The following BICD1 variants were observed in gnomAD, a reference collection of about 807,000 sequenced individuals.
BICD1 encodes the protein protein bicaudal D homolog 1.
Under a neutral mutation model 92.5 loss-of-function variants are expected in BICD1, and 35 were observed. The ratio of observed to expected loss-of-function variants is 0.38; its 90% CI spans 0.29 to 0.50. The LOEUF (loss-of-function observed/expected upper bound fraction) is 0.50, where lower values mean the gene tolerates loss of function less well. Ranked by LOEUF, BICD1 falls within the 20% of genes least tolerant of loss-of-function variation. The pLI, the probability that BICD1 is intolerant of heterozygous loss-of-function variation, is 0.93. For synonymous variants in BICD1, 429 were observed against 465.1 expected, an observed-to-expected ratio of 0.92 and a Z score of 1.00; for missense variants, 950 against 1,189.8, an observed-to-expected ratio of 0.80 and a Z score of 2.97.
intron 1 of BICD1, among the ~76,000 whole-genome samples, chr12:32,196,191 G>A (rs543119639): frequency 6.6e-6 from 1 of 152,174 alleles, no homozygotes; most frequent in East Asian, 1.9e-4. Flanking sequence ...TATATTGTTG[G>A]TGGAAATATC....
At chr12:32,118,373 G>T (rs1942023784) in intron 1 of BICD1, among the ~76,000 whole-genome samples, 1 of 152,032 alleles carries the variant, frequency 6.6e-6, no homozygotes, top group African/African-American at 2.4e-5. Context: ...GAGCCACCGA[G>T]CCTGGCCTAG....
intron 1 of BICD1, among the ~76,000 whole-genome samples, chr12:32,176,525 C>G (rs1204614678): frequency 6.6e-6 from 1 of 152,170 alleles, no homozygotes; most frequent in African/African-American, 2.4e-5. Context: ...AATCAAGATA[C>G]GAAACATTTG....
At chr12:32,123,112 TG>T (rs1942213208) in intron 1 of BICD1, among the ~76,000 whole-genome samples, 1 of 152,142 alleles carries the variant, frequency 6.6e-6, no homozygotes, top group Non-Finnish European at 1.5e-5. Flanking sequence ...CAAAATGCTA[TG>T]GGGGGAAAAA....
intron 3 of BICD1, among the ~76,000 whole-genome samples, chr12:32,298,406 A>G (rs1947935377): frequency 2.0e-5 from 3 of 151,622 alleles, no homozygotes; most frequent in Non-Finnish European, 2.9e-5. Flanking sequence ...CTAAAAATAT[A>G]AAAAAGAAAT....
chr12:32,181,113 G>A (rs926823644), intron 1 of BICD1, among the ~76,000 whole-genome samples: 1 of 151,682 alleles, frequency 6.6e-6, no homozygotes, highest in African/African-American at 2.4e-5. Context: ...TACTAAAGAG[G>A]TGCTTATAAA....
At position 32,327,893 on chromosome 12, in the gene BICD1, A is replaced by G. The variant is rs778829618; in HGVS notation, c.1438A>G (p.Met480Val). 8.7e-6 allele frequency: 14 copies of G among 1,614,102 alleles called. No homozygotes were observed. The Admixed American group carries it at 2.3e-4, about 27-fold the overall frequency. Reference protein sequence around the residue: ...EKTTKESGEKMAHMEKELQKM... With the variant: ...EKTTKESGEKVAHMEKELQKM... ...GACCACCAAGGAGAGTGGTGAGAAG[A>G]TGGCCCACATGGAGAAGGAGTTGCA... The change falls in exon 5 of 10, where the codon ATG (methionine) becomes GTG (valine). Residue 480 changes from methionine to valine, a missense_variant. By Grantham distance (21) the Met-to-Val change is conservative. Around this residue, in one of 5 missense-constraint regions of BICD1, gnomAD observed 309 missense variants for 499.4 expected, o/e 0.62. Transcript: ENST00000652176.
chr12:32,319,317 G>T (rs1948587174), intron 4 of BICD1, among the ~76,000 whole-genome samples: 1 of 152,018 alleles, frequency 6.6e-6, no homozygotes, highest in Non-Finnish European at 1.5e-5. Flanking sequence ...ATTAAATTTT[G>T]TCAAATGCTT....
At chr12:32,179,722 G>A (rs1944216239) in intron 1 of BICD1, among the ~76,000 whole-genome samples, 1 of 151,888 alleles carries the variant, frequency 6.6e-6, no homozygotes, top group South Asian at 2.1e-4. Context: ...CGGGTGCAAT[G>A]GCTCATGCCT....
chr12:32,171,343 G>T (rs868078610), intron 1 of BICD1, among the ~76,000 whole-genome samples: 1 of 152,242 alleles, frequency 6.6e-6, no homozygotes, highest in Non-Finnish European at 1.5e-5. Context: ...CGAAGGCGAT[G>T]CTGTGGGACC....
intron 1 of BICD1, among the ~76,000 whole-genome samples, chr12:32,153,028 A>G (rs1565550894): frequency 6.6e-6 from 1 of 152,112 alleles, no homozygotes; most frequent in Non-Finnish European, 1.5e-5. Context: ...CCAGACACTG[A>G]GCATAGTATA....
intron 4 of BICD1, among the ~76,000 whole-genome samples, chr12:32,325,052 G>A (rs1306606212): frequency 6.6e-6 from 1 of 151,856 alleles, no homozygotes. Flanking sequence ...GTTTCACTAT[G>A]TTGCCTCAGC....
At chr12:32,217,123 A>C (rs1007818599) in intron 2 of BICD1, among the ~76,000 whole-genome samples, 3 of 152,210 alleles carry the variant, frequency 2.0e-5, no homozygotes, top group Non-Finnish European at 4.4e-5. Flanking sequence ...TGATGTTGGA[A>C]ACAGAGATAG....
At chr12:32,126,075 G>A (rs1942326050) in intron 1 of BICD1, among the ~76,000 whole-genome samples, 1 of 150,246 alleles carries the variant, frequency 6.7e-6, no homozygotes, top group Non-Finnish European at 1.5e-5. Flanking sequence ...AAAAAGCAGT[G>A]CATCAAATCT....
At chr12:32,119,305 A>G (rs1942058545) in intron 1 of BICD1, among the ~76,000 whole-genome samples, 1 of 152,202 alleles carries the variant, frequency 6.6e-6, no homozygotes, top group Admixed American at 6.5e-5. Context: ...GTTTGAGCAG[A>G]CCTTGGATAT....
intron 8 of BICD1, among the ~76,000 whole-genome samples, chr12:32,358,594 G>A (rs1216003099): frequency 6.6e-6 from 1 of 151,956 alleles, no homozygotes; most frequent in African/African-American, 2.4e-5. Context: ...AAAGTTAACT[G>A]GGCGTGGTGG....
At chr12:32,227,185 A>T (rs1442424047) in intron 2 of BICD1, among the ~76,000 whole-genome samples, 1 of 152,254 alleles carries the variant, frequency 6.6e-6, no homozygotes, top group Non-Finnish European at 1.5e-5. Context: ...AACGGGGAGC[A>T]CGGCTGAGCA....
In BICD1 at chr12:32,216,455, A is replaced by G. The variant is rs1016581569; in HGVS notation, c.422A>G (p.Lys141Arg). 2 of 1,613,970 alleles carry G rather than the reference A, an allele frequency of 1.2e-6. No individual in the cohort carries two copies. Among genetic ancestry groups the G allele is most frequent in the Non-Finnish European group, 1.7e-6 (2 of 1,179,918 alleles). ...CTCACCGCAGTCGTGCAGGATCTGA[A>G]GGAGGTAAATAAACAAATTCCCTAT... ...ERLTAVVQDL[K>R]ENNEMVELQR... Residue 141 changes from lysine (K) to arginine (R), a missense_variant, in exon 2 of 10, where the codon AAG becomes AGG. Physicochemically the swap from Lys to Arg is conservative, Grantham distance 26. This residue lies in a region of BICD1 where 202 missense variants were observed against 205.3 expected (regional missense o/e 0.98). Coordinates refer to ENST00000652176, the MANE Select transcript of BICD1 (RefSeq NM_001714.4).
intron 8 of BICD1, among the ~76,000 whole-genome samples, chr12:32,345,562 C>T (rs779150425): frequency 1.6e-4 from 24 of 152,082 alleles, no homozygotes; most frequent in Non-Finnish European, 3.4e-4. Flanking sequence ...ATTGGCACAA[C>T]CACAGACATT....
chr12:32,241,545 T>TA (rs1371998717), intron 2 of BICD1, among the ~76,000 whole-genome samples: 1 of 152,206 alleles, frequency 6.6e-6, no homozygotes. Flanking sequence ...ATTAAAAACT[T>TA]AAAGCCAGGT....
Sources: gnomAD v4.1 joint callset for allele counts (sites outside exome capture counted in the v4.1 genomes callset) on GRCh38, gnomAD v4.1.1 for gene constraint, gnomAD v4.1.1 regional missense constraint, MANE v1.5 for transcripts, NCBI Gene and HGNC (gene_info 2026-07-23, HGNC 2026-07-21) for gene names.